ARHGEF3: variants seen among roughly 807,000 people sequenced by gnomAD.
ARHGEF3 encodes the protein Rho guanine nucleotide exchange factor 3.
A neutral mutation model predicts 63.2 loss-of-function variants in ARHGEF3; 28 were observed. The observed-to-expected ratio is 0.44, with a 90% confidence interval of 0.33 to 0.61. ARHGEF3 has a LOEUF of 0.61. ARHGEF3 is among the 20% of genes least tolerant of loss of function. The pLI is 0.03. For missense variants in ARHGEF3, 533 were observed against 659.3 expected (o/e 0.81, Z 2.10); for synonymous variants, 266 against 254.2 (o/e 1.05, Z -0.44).
At chr3:56,866,058 A>G (rs1439147224) in intron 4 of ARHGEF3, among the ~76,000 whole-genome samples, 1 of 152,152 alleles carries the variant, frequency 6.6e-6, no homozygotes, top group Non-Finnish European at 1.5e-5. Context: ...CCAGCTACTC[A>G]GAAGGCTGAG....
At position 56,863,361 on chromosome 3, in the gene ARHGEF3, G is replaced by A. The variant is rs146817190; in HGVS notation, c.192+18931C>T. Among the ~76,000 whole-genome samples, 250 of 150,704 alleles carry A rather than the reference G, an allele frequency of 1.7e-3. 1 individual carries two copies. Among genetic ancestry groups the A allele is most frequent in the African/African-American group, 6.0e-3 (244 of 40,900 alleles). ...GTCGCCCAGGCTGGAGTGCAGTGGTGCAATCTTGGCTCACTGCAACCTCTA... is the reference window on the plus strand; with the variant it reads ...GTCGCCCAGGCTGGAGTGCAGTGGTACAATCTTGGCTCACTGCAACCTCTA... On this transcript the variant is annotated intron_variant, in intron 4 of 12. Coordinates refer to the ARHGEF3 transcript ENST00000338458.
rs1305685702 is a variant in ARHGEF3, at chr3:56,860,838, C to T, written c.192+21454G>A. Among the ~76,000 whole-genome samples the T allele has an allele frequency of 4.6e-5, 7 of 152,158 alleles. No homozygotes were observed. In the East Asian group the frequency reaches 5.8e-4, roughly 13 times the overall value. On this transcript the variant is annotated intron_variant, in intron 4 of 12. Transcript: ENST00000338458. ...TTGGTGGGGGATGACGTGATTAATA[C>T]GTGCCAAGTTCATTTCGTGCTCAGA...
At chr3:56,963,715 C>A (rs546302350) in intron 2 of ARHGEF3, among the ~76,000 whole-genome samples, 1 of 152,258 alleles carries the variant, frequency 6.6e-6, no homozygotes, top group East Asian at 1.9e-4. Context: ...AAATCTGTGC[C>A]GAATGTGGTA....
intron 2 of ARHGEF3, 68 bp downstream of exon 2, chr3:56,773,627 GGGAAATTCTAGGTA>G (rs2036123868): frequency 3.3e-6 from 4 of 1,228,660 alleles, no homozygotes; most frequent in South Asian, 3.3e-5. Flanking sequence ...TTGAAACCAG[GGGAAATTCTAGGTA>G]GGATGGGGAT....
intron 1 of ARHGEF3, among the ~76,000 whole-genome samples, chr3:57,053,646 C>CTTA (rs1209518165): frequency 6.6e-6 from 1 of 152,186 alleles, no homozygotes; most frequent in Non-Finnish European, 1.5e-5. Flanking sequence ...AGAAGGCTTC[C>CTTA]TTATGTTCCT....
intron 4 of ARHGEF3, among the ~76,000 whole-genome samples, chr3:56,836,465 A>G (rs968883308): frequency 1.3e-5 from 2 of 152,194 alleles, no homozygotes; most frequent in African/African-American, 4.8e-5. Context: ...GTATTTTTTC[A>G]GTGACTCATT....
chr3:56,991,999 TCTCA>T (rs1252097341), intron 2 of ARHGEF3, among the ~76,000 whole-genome samples: 3 of 149,350 alleles, frequency 2.0e-5, no homozygotes, highest in South Asian at 2.1e-4. Context: ...ACTCACTCAC[TCTCA>T]CTCTCTCTCC....
At chr3:56,764,793 G>C (rs2035614608) in intron 2 of ARHGEF3, among the ~76,000 whole-genome samples, 1 of 132,342 alleles carries the variant, frequency 7.6e-6, no homozygotes, top group Non-Finnish European at 1.6e-5. Context: ...GTTTCGCTTT[G>C]TTGCCCAGGC....
chr3:56,878,353 T>C (rs1030459737), intron 4 of ARHGEF3, among the ~76,000 whole-genome samples: 1 of 152,152 alleles, frequency 6.6e-6, no homozygotes, highest in Non-Finnish European at 1.5e-5. Context: ...CTCTCAAAAG[T>C]GTACGTTGCT....
chr3:56,736,155 C>G (rs2033612975), intron 8 of ARHGEF3, among the ~76,000 whole-genome samples: 1 of 151,928 alleles, frequency 6.6e-6, no homozygotes, highest in African/African-American at 2.4e-5. Context: ...TCATATAATT[C>G]AAATTCATCT....
At chr3:56,809,033 G>C (rs1458756574) in intron 4 of ARHGEF3, among the ~76,000 whole-genome samples, 2 of 152,194 alleles carry the variant, frequency 1.3e-5, no homozygotes, top group African/African-American at 4.8e-5. Context: ...TTTCACTTCA[G>C]ACTTTGATCA....
chr3:57,032,260 TG>T (rs1703763857), intron 2 of ARHGEF3, among the ~76,000 whole-genome samples: 2 of 152,082 alleles, frequency 1.3e-5, no homozygotes, highest in South Asian at 4.1e-4. Flanking sequence ...CCAAGAACAG[TG>T]GTACTGGTGA....
chr3:56,729,665 T>G (rs368915602), intron 9 of ARHGEF3, 43 bp from the exon 10 acceptor site: 4 of 1,501,690 alleles, frequency 2.7e-6, no homozygotes, highest in Non-Finnish European at 3.6e-6. Flanking sequence ...AATGGACAGA[T>G]CCTTCCTCAG....
chr3:57,012,799 T>C (rs535630934), intron 2 of ARHGEF3, among the ~76,000 whole-genome samples: 1 of 152,334 alleles, frequency 6.6e-6, no homozygotes. Flanking sequence ...GAGGAGCCCT[T>C]CAGCCCACCG....
chr3:56,775,501 C>T (rs1220730037), intron 1 of ARHGEF3: 1 of 995,962 alleles, frequency 1.0e-6, no homozygotes, highest in Non-Finnish European at 1.2e-6. Context: ...GGGTACCTCT[C>T]CAGCTTCTTA....
At chr3:56,796,551 G>A (rs6800401) in intron 1 of ARHGEF3, among the ~76,000 whole-genome samples, 26,357 of 152,228 alleles carry the variant, frequency 0.17, 2,515 homozygotes, top group Non-Finnish European at 0.2. Context: ...GGTTGCAGCC[G>A]TTCTATGAAG....
chr3:56,855,871 A>G (rs1187998048), intron 4 of ARHGEF3, among the ~76,000 whole-genome samples: 1 of 152,218 alleles, frequency 6.6e-6, no homozygotes, highest in Non-Finnish European at 1.5e-5. Context: ...CAGAAAAGGC[A>G]TTCCAAATAC....
chr3:56,937,414 TATCAACAACTAGAGACAAATACATA>T (rs1698958081), intron 3 of ARHGEF3, among the ~76,000 whole-genome samples: 1 of 152,214 alleles, frequency 6.6e-6, no homozygotes, highest in Non-Finnish European at 1.5e-5. Flanking sequence ...AGCCAAACTG[TATCAACAACTAGAGACAAATACATA>T]AAGCAAATGT....
At chr3:56,836,069 G>A (rs900620631) in intron 4 of ARHGEF3, among the ~76,000 whole-genome samples, 8 of 152,160 alleles carry the variant, frequency 5.3e-5, no homozygotes, top group East Asian at 1.9e-4. Flanking sequence ...AAGGTATCCC[G>A]TTCACATCTG....
Sources: gnomAD v4.1 joint callset for allele counts (sites outside exome capture counted in the v4.1 genomes callset) on GRCh38, gnomAD v4.1.1 for gene constraint, MANE v1.5 for transcripts, NCBI Gene and HGNC (gene_info 2026-07-23, HGNC 2026-07-21) for gene names.